Variants in HPSE2 observed in about 807,000 individuals in gnomAD.
The protein encoded by HPSE2 is inactive heparanase-2.
In HPSE2, 38 loss-of-function variants were observed where a neutral mutation model predicts 60.5. That is an observed-to-expected ratio of 0.63 (90% CI 0.48 to 0.82). HPSE2 has a LOEUF of 0.82. Among genes scored for constraint, HPSE2 ranks in the 40% least tolerant of loss-of-function variants. The pLI is 0.00. For missense variants in HPSE2, 713 were observed against 740.4 expected (o/e 0.96, Z 0.43); for synonymous variants, 295 against 293.2 (o/e 1.01, Z -0.06).
chr10:99,227,215 G>A (rs1400726659), intron 2 of HPSE2, among the ~76,000 whole-genome samples: 2 of 152,106 alleles, frequency 1.3e-5, no homozygotes, highest in South Asian at 2.1e-4. Flanking sequence ...AGTTTACAAA[G>A]TATACACACA....
chr10:98,652,484 C>A (rs1174537432), intron 6 of HPSE2, among the ~76,000 whole-genome samples: 1 of 152,220 alleles, frequency 6.6e-6, no homozygotes, highest in African/African-American at 2.4e-5. Flanking sequence ...TAGCTTTATA[C>A]CACCACTTGT....
chr10:98,722,361 C>A (rs1423625480), intron 4 of HPSE2, among the ~76,000 whole-genome samples: 1 of 151,504 alleles, frequency 6.6e-6, no homozygotes, highest in Non-Finnish European at 1.5e-5. Context: ...TTGCTGGCAG[C>A]CACCGGAAGC....
intron 9 of HPSE2, among the ~76,000 whole-genome samples, chr10:98,607,809 G>A (rs748808325): frequency 1.6e-4 from 24 of 152,050 alleles, no homozygotes; most frequent in Non-Finnish European, 2.6e-4. Context: ...CATATCAAAT[G>A]TATATTAGGT....
At chr10:98,714,808 G>A (rs1280425563) in intron 5 of HPSE2, among the ~76,000 whole-genome samples, 5 of 151,664 alleles carry the variant, frequency 3.3e-5, no homozygotes, top group African/African-American at 4.8e-5. Context: ...CATTGTATAC[G>A]GGTTGCAATT....
intron 3 of HPSE2, among the ~76,000 whole-genome samples, chr10:99,082,800 G>A (rs945834138): frequency 6.6e-6 from 1 of 152,068 alleles, no homozygotes; most frequent in Non-Finnish European, 1.5e-5. Flanking sequence ...GAGGAGTCTT[G>A]GAGTTCATAT....
At chr10:98,674,698 T>C (rs1409696334) in intron 6 of HPSE2, among the ~76,000 whole-genome samples, 1 of 152,194 alleles carries the variant, frequency 6.6e-6, no homozygotes, top group Non-Finnish European at 1.5e-5. Context: ...GCAGATCACC[T>C]GAGGTCAGGA....
At chr10:99,222,150 AGCTGACTTG>A (rs1849334388) in intron 2 of HPSE2, among the ~76,000 whole-genome samples, 1 of 152,106 alleles carries the variant, frequency 6.6e-6, no homozygotes, top group African/African-American at 2.4e-5. Flanking sequence ...AGGCCTTTGA[AGCTGACTTG>A]GTAGAGGAAT....
At chr10:98,952,782 T>C (rs1213847461) in intron 3 of HPSE2, among the ~76,000 whole-genome samples, 2 of 152,198 alleles carry the variant, frequency 1.3e-5, no homozygotes, top group Admixed American at 1.3e-4. Flanking sequence ...TGTCCTCACA[T>C]GGCCTTCCCT....
rs1028686231 is a variant in HPSE2, at chr10:99,047,691, T to C, written c.610+96547A>G. The C allele has an allele frequency of 4.9e-6, 4 of 820,078 alleles. No individual in the cohort carries two copies. The East Asian group carries it at 9.7e-5, about 20-fold the overall frequency. 50.8% of individuals were successfully genotyped at this position (820,078 alleles called of 1,614,324 possible). On this transcript the variant is annotated intron_variant, in intron 3 of 11. Transcript: ENST00000370552. ...ACGGTTCCTGCTGTGCCAGAAACCC[T>C]TAGGAAAAAGTGAAGGAATTTCACA...
intron 6 of HPSE2, among the ~76,000 whole-genome samples, chr10:98,649,421 A>G (rs532472422): frequency 6.6e-6 from 1 of 152,332 alleles, no homozygotes; most frequent in Non-Finnish European, 1.5e-5. Context: ...GTAGGAAACC[A>G]GAGATCATAT....
intron 6 of HPSE2, among the ~76,000 whole-genome samples, chr10:98,649,335 C>T (rs527776641): frequency 1.3e-5 from 2 of 152,140 alleles, no homozygotes; most frequent in African/African-American, 4.8e-5. Flanking sequence ...AGCTATTTTA[C>T]ATATAGTGTC....
Position 99,083,446 on chromosome 10 carries a change from T to C in HPSE2, c.610+60792A>G, listed in dbSNP as rs376457148. On this transcript the variant is annotated intron_variant, in intron 3 of 11. Coordinates refer to ENST00000370552, the MANE Select transcript of HPSE2 (RefSeq NM_021828.5). The stretch of plus-strand genomic sequence containing the variant: ...TGTAATCAAAAGCATCTGTGAAAAA[T>C]AGGGCATTTCCAAGTACCTGAAGTA... Among the ~76,000 whole-genome samples, 8 of 152,308 alleles carry C rather than the reference T, an allele frequency of 5.3e-5. No individual in the cohort carries two copies. The South Asian group carries it at 1.2e-3, about 24-fold the overall frequency.
chr10:99,066,030 A>G (rs1266942178), intron 3 of HPSE2, among the ~76,000 whole-genome samples: 1 of 66,784 alleles, frequency 1.5e-5, no homozygotes, highest in Non-Finnish European at 4.7e-5. Flanking sequence ...GGCAGCTGGG[A>G]AAATTGTTTT....
intron 3 of HPSE2, among the ~76,000 whole-genome samples, chr10:99,001,847 GA>G (rs1241777772): frequency 2.6e-5 from 4 of 152,056 alleles, no homozygotes; most frequent in Non-Finnish European, 5.9e-5. Flanking sequence ...AAATCATAGA[GA>G]ATGTTCTGAT....
rs867497387 is a variant in HPSE2 at position 98,659,937 on chromosome 10, G to C, written c.1005-17997C>G. ...AGCATTTTTCTCCCTAGGAGACTTG[G>C]TATTGCTAACTTCACTGAGTACTTG... On this transcript the variant is annotated intron_variant, in intron 6 of 11. Transcript: ENST00000370552. 2.0e-5 allele frequency among the ~76,000 whole-genome samples: 3 copies of C among 152,272 alleles called. No individual in the cohort carries two copies. The South Asian group carries it at 6.2e-4, about 32-fold the overall frequency.
chr10:98,780,915 G>A (rs1043863130), intron 3 of HPSE2, among the ~76,000 whole-genome samples: 4 of 152,062 alleles, frequency 2.6e-5, no homozygotes, highest in Admixed American at 1.3e-4. Flanking sequence ...CTTGTAGTTA[G>A]GGTGGGAGCA....
intron 1 of HPSE2, 99 bp downstream of exon 1, chr10:99,235,414 G>A: frequency 9.0e-7 from 1 of 1,106,850 alleles, no homozygotes; most frequent in Non-Finnish European, 1.4e-6. Flanking sequence ...AGATCTGCTT[G>A]GCTTATTTTC....
chr10:98,678,023 C>T (rs1361476032), intron 6 of HPSE2, among the ~76,000 whole-genome samples: 1 of 152,104 alleles, frequency 6.6e-6, no homozygotes, highest in Non-Finnish European at 1.5e-5. Flanking sequence ...ATTATCAAAT[C>T]GATCTCTTTA....
chr10:98,544,833 A>G (rs1295438881), intron 9 of HPSE2, among the ~76,000 whole-genome samples: 1 of 152,062 alleles, frequency 6.6e-6, no homozygotes, highest in Non-Finnish European at 1.5e-5. Flanking sequence ...ATAGAGACAC[A>G]AAAAACCCTC....
Sources: gnomAD v4.1 joint callset for allele counts (sites outside exome capture counted in the v4.1 genomes callset) on GRCh38, gnomAD v4.1.1 for gene constraint, MANE v1.5 for transcripts, NCBI Gene and HGNC (gene_info 2026-07-23, HGNC 2026-07-21) for gene names.